The following CAST variants were observed in gnomAD, a reference collection of about 807,000 sequenced individuals.
The protein encoded by CAST is calpastatin, also known as MIR583 host.
A neutral mutation model predicts 119.6 loss-of-function variants in CAST; 76 were observed. That is an observed-to-expected ratio of 0.64 (90% CI 0.53 to 0.77). CAST has a LOEUF of 0.77. Ranked by LOEUF, CAST falls within the 30% of genes least tolerant of loss-of-function variation. CAST has a pLI of 0.00. For synonymous variants in CAST, 319 were observed against 331.6 expected, an observed-to-expected ratio of 0.96 and a Z score of 0.41; for missense variants, 953 against 946.5, an observed-to-expected ratio of 1.01 and a Z score of -0.09.
chr5:96,720,979 C>T (rs186596738), intron 3 of CAST, among the ~76,000 whole-genome samples: 1 of 152,122 alleles, frequency 6.6e-6, no homozygotes, highest in African/African-American at 2.4e-5. Flanking sequence ...TAATCAATTC[C>T]AATTATGGAA....
chr5:95,976,152 A>T, the CAST span, among the ~76,000 whole-genome samples: 106 of 151,188 alleles, frequency 7.0e-4, no homozygotes, highest in Non-Finnish European at 1.4e-3. Flanking sequence ...AAATACAAAC[A>T]ATCAAAATCT....
At chr5:96,435,675 C>T in the CAST span, among the ~76,000 whole-genome samples, 287 of 152,188 alleles carry the variant, frequency 1.9e-3, 1 homozygote, top group South Asian at 6.0e-3. Flanking sequence ...TATAGAAAAC[C>T]GGATACTCCA....
rs1168469019 is a variant in CAST, at chr5:96,736,173, AAAAAG to A, written c.641_645del (p.Lys214IlefsTer9). 4 of 1,608,270 alleles carry A rather than the reference AAAAAG, an allele frequency of 2.5e-6. No individual in the cohort carries two copies. The highest frequency in any genetic ancestry group is 1.1e-5 in the South Asian group (1 of 90,688). On this transcript the variant is annotated frameshift_variant and splice_region_variant, in exon 10 of 32. Coordinates refer to ENST00000675179, the MANE Select transcript of CAST (RefSeq NM_001750.7). LOFTEE classifies it high-confidence loss of function. ...TGTTAATTTCTCAATTCTCACCAGA[AAAAAG>A]AAAAGAAATCATTAACCCCAGCTGT...
At chr5:96,486,034 G>T in the CAST span, among the ~76,000 whole-genome samples, 1 of 151,948 alleles carries the variant, frequency 6.6e-6, no homozygotes, top group Non-Finnish European at 1.5e-5. Flanking sequence ...TTCCAGAGAG[G>T]TCCAAAAAAA....
the CAST span, among the ~76,000 whole-genome samples, chr5:95,977,743 T>C: frequency 6.6e-6 from 1 of 152,138 alleles, no homozygotes; most frequent in Non-Finnish European, 1.5e-5. Context: ...GGTTATTTCA[T>C]CACCCAGGTA....
the CAST span, among the ~76,000 whole-genome samples, chr5:96,029,223 C>G: frequency 6.6e-6 from 1 of 152,044 alleles, no homozygotes; most frequent in Non-Finnish European, 1.5e-5. Context: ...TTAGGTGAAA[C>G]AACTGAAAAA....
chr5:96,558,630 C>T (rs1370328465), intron 1 of CAST, among the ~76,000 whole-genome samples: 1 of 152,222 alleles, frequency 6.6e-6, no homozygotes, highest in African/African-American at 2.4e-5. Flanking sequence ...AATTCCTCGA[C>T]ACATACACCC....
the CAST span, among the ~76,000 whole-genome samples, chr5:96,009,853 T>C: frequency 0.027 from 4,043 of 152,224 alleles, 174 homozygotes; most frequent in African/African-American, 0.091. Context: ...GGCACTTAGT[T>C]GAAAATTATT....
the CAST span, among the ~76,000 whole-genome samples, chr5:96,126,060 T>C: frequency 6.6e-6 from 1 of 152,180 alleles, no homozygotes; most frequent in South Asian, 2.1e-4. Context: ...TGCTTTCTCC[T>C]TTCTCCATGA....
the CAST span, among the ~76,000 whole-genome samples, chr5:96,352,435 A>G: frequency 6.6e-6 from 1 of 152,140 alleles, no homozygotes; most frequent in Non-Finnish European, 1.5e-5. Flanking sequence ...TTGACTAGCA[A>G]TGTACCAGGC....
chr5:96,467,866 C>T, the CAST span, among the ~76,000 whole-genome samples: 2 of 152,006 alleles, frequency 1.3e-5, no homozygotes, highest in East Asian at 3.9e-4. Context: ...CTGTTCGATC[C>T]AGCAATCTCA....
In CAST at chr5:96,633,032, C is replaced by T. The variant is rs761819920; in HGVS notation, c.61-42507C>T. Among the ~76,000 whole-genome samples the T allele has an allele frequency of 5.3e-5, 8 of 152,074 alleles. No individual in the cohort carries two copies. In the South Asian group the frequency reaches 8.3e-4, roughly 16 times the overall value. ...AGTTGCCTAGGCTGGAGTGCAGTGGCGCAATCTCAGCTCACTGAAACTTCT... is the reference window on the plus strand; with the variant it reads ...AGTTGCCTAGGCTGGAGTGCAGTGGTGCAATCTCAGCTCACTGAAACTTCT... On this transcript the variant is annotated intron_variant, in intron 1 of 11. Transcript: ENST00000505143.
chr5:96,114,252 C>T, the CAST span, among the ~76,000 whole-genome samples: 13 of 152,142 alleles, frequency 8.5e-5, no homozygotes, highest in Non-Finnish European at 1.6e-4. Flanking sequence ...TTCTACAACC[C>T]TGTGACCCCT....
At chr5:96,119,201 C>G in the CAST span, among the ~76,000 whole-genome samples, 17 of 152,130 alleles carry the variant, frequency 1.1e-4, no homozygotes, top group Admixed American at 4.6e-4. Context: ...GGTCTGATCA[C>G]ACCTTGAAGG....
In CAST at chr5:96,774,579, A is replaced by C. The variant is rs1192282868; in HGVS notation, c.*1963A>C. The C allele has an allele frequency of 2.0e-6, 2 of 985,512 alleles. No homozygotes were observed. Among genetic ancestry groups the C allele is most frequent in the African/African-American group, 1.7e-5 (1 of 57,250 alleles). 61.0% of individuals were successfully genotyped at this position (985,512 alleles called of 1,614,324 possible). On this transcript the variant is annotated 3_prime_UTR_variant, in exon 32 of 32. Coordinates refer to ENST00000675179, the MANE Select transcript of CAST (RefSeq NM_001750.7). ...TTAGAAAATGGGCTTTTCCAAAAGC[A>C]AACAAAGATAGGTTCCTCAGGTGAC...
At chr5:96,656,903 T>A (rs1395556714) in intron 1 of CAST, among the ~76,000 whole-genome samples, 2 of 151,748 alleles carry the variant, frequency 1.3e-5, no homozygotes, top group Admixed American at 6.6e-5. Flanking sequence ...GTGCCCCAAA[T>A]GACTTTGAGT....
At chr5:96,406,931 A>G in the CAST span, among the ~76,000 whole-genome samples, 1 of 152,202 alleles carries the variant, frequency 6.6e-6, no homozygotes, top group African/African-American at 2.4e-5. Context: ...TGTGATGTGC[A>G]GTGTGAGACA....
the CAST span, chr5:96,278,813 T>C: frequency 6.6e-6 from 1 of 152,206 alleles, no homozygotes; most frequent in African/African-American, 2.4e-5. Flanking sequence ...TCATCATGTA[T>C]CATGCCACAC....
chr5:96,619,049 G>A (rs1194534135), intron 1 of CAST, among the ~76,000 whole-genome samples: 2 of 152,148 alleles, frequency 1.3e-5, no homozygotes, highest in African/African-American at 4.8e-5. Context: ...TCTAGCTAAA[G>A]GTTTGTAAAC....
Sources: gnomAD v4.1 joint callset for allele counts (sites outside exome capture counted in the v4.1 genomes callset) on GRCh38, gnomAD v4.1.1 for gene constraint, MANE v1.5 for transcripts, NCBI Gene and HGNC (gene_info 2026-07-23, HGNC 2026-07-21) for gene names.